The following KNTC1 variants were observed in gnomAD, a reference collection of about 807,000 sequenced individuals.
The protein encoded by KNTC1 is kinetochore associated 1.
A neutral mutation model predicts 314.4 loss-of-function variants in KNTC1; 253 were observed. That is an observed-to-expected ratio of 0.80 (90% confidence interval 0.73 to 0.89). The LOEUF (loss-of-function observed/expected upper bound fraction) is 0.89, where lower values mean the gene tolerates loss of function less well. Ranked by LOEUF, KNTC1 falls within the 40% of genes least tolerant of loss-of-function variation. The pLI, the probability that KNTC1 is intolerant of heterozygous loss-of-function variation, is 0.00. For synonymous variants in KNTC1, 901 were observed against 901.4 expected (o/e 1.00, Z 0.01); for missense variants, 2,475 against 2,572.9 (o/e 0.96, Z 0.82).
At chr12:122,588,890 C>A in intron 40 of KNTC1, 74 bp downstream of exon 40, 3 of 871,120 alleles carry the variant, frequency 3.4e-6, no homozygotes, top group African/African-American at 1.7e-5. Flanking sequence ...GCATATGACT[C>A]AATAGTTTAT....
At chr12:122,569,539 C>T (rs1411367664) in intron 21 of KNTC1, 142 bp from the exon 22 acceptor site, 5 of 655,406 alleles carry the variant, frequency 7.6e-6, no homozygotes, top group Non-Finnish European at 1.3e-5. Context: ...GAATCATTTG[C>T]ATAGTGTGAA....
rs1353318198 is a variant in KNTC1, at chr12:122,562,682, T to C, written c.1587T>C (p.Phe529=). 5 of 1,610,220 alleles carry C rather than the reference T, an allele frequency of 3.1e-6. No homozygotes were observed. The highest frequency in any genetic ancestry group is 4.2e-6 in the Non-Finnish European group (5 of 1,176,874). The part of the protein sequence containing the change: ...HAKLTTFYGA[F]GPEKFSGSSW... ...AATTGACTACTTTTTATGGAGCATTTGGACCAGAAAAATTCAGGTGTGTAC... is the reference window on the plus strand; with the variant it reads ...AATTGACTACTTTTTATGGAGCATTCGGACCAGAAAAATTCAGGTGTGTAC... The change falls in exon 20 of 64, where the codon TTT becomes TTC. Residue 529 remains phenylalanine, a synonymous_variant. Transcript: ENST00000333479.
chr12:122,556,559 C>T (rs1450274932), intron 16 of KNTC1, among the ~76,000 whole-genome samples: 12 of 150,060 alleles, frequency 8.0e-5, no homozygotes, highest in African/African-American at 2.7e-4. Context: ...CTGCAAGCTC[C>T]GCCTCCCGGG....
At chr12:122,544,091 G>A (rs1207585499) in intron 7 of KNTC1, 68 bp from the exon 8 acceptor site, 3 of 666,454 alleles carry the variant, frequency 4.5e-6, no homozygotes, top group Non-Finnish European at 7.5e-6. Context: ...GATATCAACT[G>A]ATTTTAGTGA....
chr12:122,537,077 A>G (rs1033859509), intron 3 of KNTC1, among the ~76,000 whole-genome samples: 1 of 152,182 alleles, frequency 6.6e-6, no homozygotes, highest in Non-Finnish European at 1.5e-5. Context: ...TTGAGTTCGT[A>G]AGCCAGTTAC....
intron 22 of KNTC1, among the ~76,000 whole-genome samples, chr12:122,570,546 T>C (rs1401271465): frequency 1.3e-5 from 2 of 151,778 alleles, no homozygotes; most frequent in African/African-American, 4.8e-5. Flanking sequence ...AGACATACTA[T>C]TTGATTATAC....
rs115328082 is a variant in KNTC1 at position 122,578,712 on chromosome 12, A to G, written c.2841+921A>G. Among the ~76,000 whole-genome samples the G allele has an allele frequency of 6.7e-3, 1,021 of 152,046 alleles. 10 individuals are homozygous for G. The highest frequency in any genetic ancestry group is 0.024 in the African/African-American group (986 of 41,484). ...TAGGATTACAGGTGTGAGCCACCAC[A>G]CTTGGCCAATAGTTGGATTTTTAAA... On this transcript the variant is annotated intron_variant, in intron 31 of 63. Transcript: ENST00000333479.
rs765680842 is a variant in KNTC1 at position 122,582,708 on chromosome 12, A to G, written c.2986A>G (p.Asn996Asp). 1 of 1,590,908 alleles carries G rather than the reference A, an allele frequency of 6.3e-7. No individual in the cohort carries two copies. The highest frequency in any genetic ancestry group is 1.1e-5 in the South Asian group (1 of 89,518). The change falls in exon 34 of 64, where the codon AAC (asparagine) becomes GAC (aspartate). Residue 996 changes from asparagine to aspartate, a missense_variant. Coordinates refer to ENST00000333479, the MANE Select transcript of KNTC1 (RefSeq NM_014708.6). ...LFKEVASLQE[N>D]FEVFLSFEDY... is the part of the protein sequence containing the mutation. ...GTCTTGCTTACCTTTGCTACAGGAG[A>G]ACTTTGAGGTCTTTCTTTCATTTGA...
At chr12:122,567,195 C>T (rs1398494797) in intron 20 of KNTC1, among the ~76,000 whole-genome samples, 3 of 151,982 alleles carry the variant, frequency 2.0e-5, no homozygotes, top group Admixed American at 6.6e-5. Context: ...CTCAGCCTCC[C>T]GAGTAGCTGG....
intron 55 of KNTC1, 68 bp from the exon 56 acceptor site, chr12:122,614,923 T>C: frequency 8.7e-7 from 1 of 1,155,656 alleles, no homozygotes; most frequent in Non-Finnish European, 1.3e-6. Context: ...GCTGCCCTAC[T>C]TTTCCAAAGA....
At chr12:122,576,037 A>T in intron 29 of KNTC1, 138 bp downstream of exon 29, 1 of 1,094,998 alleles carries the variant, frequency 9.1e-7, no homozygotes, top group Non-Finnish European at 1.3e-6. Flanking sequence ...TATGATGTTA[A>T]TAAGGTGTTC....
At position 122,530,177 on chromosome 12, in the gene KNTC1, G is replaced by A; in HGVS notation, c.114G>A (p.Lys38=). 1 of 1,613,220 alleles carries A rather than the reference G, an allele frequency of 6.2e-7. No homozygotes were observed. Among genetic ancestry groups the A allele is most frequent in the Non-Finnish European group, 8.5e-7 (1 of 1,179,452 alleles). Residue 38 remains lysine (K), a synonymous_variant, in exon 2 of 64, where the codon AAG becomes AAA. Transcript: ENST00000333479. ...TALYQVDLLV[K]ISSEKASLNP... is the part of the protein sequence containing the mutation. ...TATATCAAGTAGATTTGCTAGTGAA[G>A]ATCTCTTCTGAAAAGGTAGTGATTA...
Position 122,556,484 on chromosome 12 carries a change from CTTTTTT to C in KNTC1, c.1273-886_1273-881del, listed in dbSNP as rs371272876. On this transcript the variant is annotated intron_variant, in intron 16 of 63. Transcript: ENST00000333479. Reference sequence around the variant, plus strand: ...CTAGTTGTCACCATTCTACTCTCTACTTTTTTTTTTTTTTTTTTTGAGATGGAGTCT... The same window carrying C: ...CTAGTTGTCACCATTCTACTCTCTACTTTTTTTTTTTTTGAGATGGAGTCT... Among the ~76,000 whole-genome samples, 181 of 112,792 alleles carry C rather than the reference CTTTTTT, an allele frequency of 1.6e-3. 1 individual carries two copies. The highest frequency in any genetic ancestry group is 6.6e-3 in the African/African-American group (176 of 26,812). 74.0% of individuals were successfully genotyped at this position (112,792 alleles called of 152,430 possible).
intron 18 of KNTC1, among the ~76,000 whole-genome samples, chr12:122,559,853 G>T (rs1481442630): frequency 6.6e-6 from 1 of 152,148 alleles, no homozygotes; most frequent in Non-Finnish European, 1.5e-5. Context: ...GCAATTATAG[G>T]CATGAGCCAC....
chr12:122,547,323 C>T (rs549296211), intron 10 of KNTC1, 92 bp from the exon 11 acceptor site: 6 of 696,588 alleles, frequency 8.6e-6, no homozygotes, highest in African/African-American at 7.1e-5. Flanking sequence ...TGCAGTGAGC[C>T]GAGATCGCAC....
At position 122,562,656 on chromosome 12, in the gene KNTC1, A is replaced by G; in HGVS notation, c.1561A>G (p.Lys521Glu). 4 of 1,608,312 alleles carry G rather than the reference A, an allele frequency of 2.5e-6. No individual in the cohort carries two copies. The highest frequency in any genetic ancestry group is 3.4e-6 in the Non-Finnish European group (4 of 1,175,258). Reference protein sequence around the residue: ...GLKEVLRAHAKLTTFYGAFGP... With the variant: ...GLKEVLRAHAELTTFYGAFGP... ...TCTTCAGGTGCTAAGAGCTCATGCA[A>G]AATTGACTACTTTTTATGGAGCATT... is the stretch of plus-strand genomic sequence containing the variant. Residue 521 changes from lysine to glutamate, a missense_variant, in exon 20 of 64, where the codon AAA (lysine) becomes GAA (glutamate). Transcript: ENST00000333479.
chr12:122,554,076 A>AATATATATAT (rs60404988), intron 16 of KNTC1, among the ~76,000 whole-genome samples: 50 of 109,050 alleles, frequency 4.6e-4, no homozygotes, highest in African/African-American at 1.0e-3. Context: ...AAAAAAAAAA[A>AATATATATAT]ATATATATAT....
chr12:122,584,190 G>T, intron 34 of KNTC1, 88 bp from the exon 35 acceptor site: 1 of 860,712 alleles, frequency 1.2e-6, no homozygotes, highest in Middle Eastern at 3.2e-4. Flanking sequence ...ATGTGTTGAT[G>T]GTGGTGGTGA....
chr12:122,594,405 C>T lies in KNTC1; in HGVS notation c.4355+20C>T, dbSNP rs372583447. ...TTGCAGGTAATTCTTTAAACATTAA[C>T]GGTATTTTTGCTGTTAACAAACTGG... On this transcript the variant is annotated intron_variant, in intron 43 of 63. Transcript: ENST00000333479. The T allele has an allele frequency of 3.5e-5, 47 of 1,350,638 alleles. 1 individual carries two copies. In the East Asian group the frequency reaches 3.9e-4, roughly 11 times the overall value. 83.7% of individuals were successfully genotyped at this position (1,350,638 alleles called of 1,614,324 possible).
Sources: gnomAD v4.1 joint callset for allele counts (sites outside exome capture counted in the v4.1 genomes callset) on GRCh38, gnomAD v4.1.1 for gene constraint, MANE v1.5 for transcripts, NCBI Gene and HGNC (gene_info 2026-07-23, HGNC 2026-07-21) for gene names.